Variants in TLK2 observed in about 807,000 individuals in gnomAD.
TLK2 encodes tousled like kinase 2.
A neutral mutation model predicts 117.3 loss-of-function variants in TLK2; 6 were observed. The observed-to-expected ratio is 0.05, with a 90% CI of 0.03 to 0.10. TLK2 has a LOEUF of 0.10. Ranked by LOEUF, TLK2 falls within the 10% of genes least tolerant of loss-of-function variation. The pLI is 1.00. For missense variants in TLK2, 299 were observed against 901.2 expected, an observed-to-expected ratio of 0.33 and a Z score of 8.56; for synonymous variants, 257 against 316.7, an observed-to-expected ratio of 0.81 and a Z score of 2.00.
At chr17:62,596,855 A>T (rs551348147) in intron 17 of TLK2, among the ~76,000 whole-genome samples, 181 bp downstream of exon 17, 1 of 152,256 alleles carries the variant, frequency 6.6e-6, no homozygotes, top group African/African-American at 2.4e-5. Context: ...GCCAAAGGAC[A>T]TGTGCACTTG....
chr17:62,547,218 CTT>C (rs957931131), intron 7 of TLK2, among the ~76,000 whole-genome samples: 7 of 151,784 alleles, frequency 4.6e-5, no homozygotes, highest in African/African-American at 1.7e-4. Flanking sequence ...TCTTTTAACT[CTT>C]ATGATTAGGT....
chr17:62,614,371 G>C lies in TLK2; in HGVS notation c.*1806G>C, dbSNP rs1316278522. On this transcript the variant is annotated 3_prime_UTR_variant, in exon 22 of 22. Coordinates refer to ENST00000346027, the MANE Select transcript of TLK2 (RefSeq NM_006852.6). The stretch of plus-strand genomic sequence containing the variant: ...AATGTTACTGACATATGTGGCGAGG[G>C]CTTAGCCAGAAATATTTAAAGATGT... 6.6e-6 allele frequency: 1 copy of C among 152,192 alleles called. No homozygotes were observed. The highest frequency in any genetic ancestry group is 1.5e-5 in the Non-Finnish European group (1 of 68,048). The allele number at this position is 152,192 out of a possible 1,614,324, so 9.4% of individuals were successfully genotyped here.
chr17:62,486,405 C>T (rs2072391177), intron 2 of TLK2, among the ~76,000 whole-genome samples: 1 of 152,132 alleles, frequency 6.6e-6, no homozygotes, highest in African/African-American at 2.4e-5. Flanking sequence ...CATGATCCGC[C>T]CGCCTCGGCC....
intron 7 of TLK2, 171 bp from the exon 8 acceptor site, chr17:62,552,131 A>G (rs545190162): frequency 1.1e-6 from 1 of 899,448 alleles, no homozygotes; most frequent in Non-Finnish European, 1.7e-6. Context: ...CCTTTGTCTC[A>G]TATTTGAATT....
At chr17:62,497,188 T>G (rs2144852773) in intron 2 of TLK2, among the ~76,000 whole-genome samples, 1 of 152,118 alleles carries the variant, frequency 6.6e-6, no homozygotes, top group African/African-American at 2.4e-5. Context: ...TACCTGAGTC[T>G]TGGAGGTCGA....
chr17:62,593,256 T>C (rs372220033), intron 16 of TLK2, among the ~76,000 whole-genome samples: 2 of 152,242 alleles, frequency 1.3e-5, no homozygotes, highest in Admixed American at 6.5e-5. Context: ...CTGGAAGTTG[T>C]TCTGGGTGAG....
At chr17:62,484,839 G>T (rs1208017418) in intron 2 of TLK2, among the ~76,000 whole-genome samples, 1 of 151,906 alleles carries the variant, frequency 6.6e-6, no homozygotes, top group Non-Finnish European at 1.5e-5. Flanking sequence ...GGCAGATCAC[G>T]AGGTCAGGAG....
intron 7 of TLK2, among the ~76,000 whole-genome samples, chr17:62,547,024 G>A (rs539860592): frequency 6.6e-6 from 1 of 152,162 alleles, no homozygotes; most frequent in South Asian, 2.1e-4. Flanking sequence ...TGTAGCTACA[G>A]TATACTTTTG....
rs374994453 is a variant in TLK2 at position 62,497,988 on chromosome 17, G to A, written c.81+16782G>A. 4.3e-4 allele frequency among the ~76,000 whole-genome samples: 66 copies of A among 152,158 alleles called. 1 individual carries two copies. In the South Asian group the frequency reaches 8.7e-3, roughly 20 times the overall value. ...TGGGATTACAGGTGTGAGCCACCGT[G>A]CCCAGCCCAATCTGACATTTTAACT... On this transcript the variant is annotated intron_variant, in intron 2 of 21. Transcript: ENST00000346027.
chr17:62,516,665 G>C (rs2075620761), intron 2 of TLK2: 6 of 1,609,728 alleles, frequency 3.7e-6, no homozygotes, highest in Non-Finnish European at 5.1e-6. Context: ...TTGTCTGCCA[G>C]CTCCGGGTGC....
chr17:62,506,827 T>C (rs2074732712), intron 2 of TLK2, among the ~76,000 whole-genome samples: 1 of 152,214 alleles, frequency 6.6e-6, no homozygotes, highest in African/African-American at 2.4e-5. Context: ...GGCCCCATAA[T>C]GAAATGTGTA....
chr17:62,572,503 T>C (rs2080392091), intron 11 of TLK2, among the ~76,000 whole-genome samples: 2 of 152,160 alleles, frequency 1.3e-5, no homozygotes, highest in African/African-American at 2.4e-5. Flanking sequence ...TATTAGGAAA[T>C]ACTCTAATGG....
intron 16 of TLK2, among the ~76,000 whole-genome samples, chr17:62,586,441 A>T (rs533539341): frequency 5.3e-5 from 8 of 152,328 alleles, no homozygotes; most frequent in African/African-American, 1.7e-4. Flanking sequence ...ATTTAAATCC[A>T]GACTTTCCTG....
At chr17:62,474,068 G>A (rs1271464714), upstream of TLK2, among the ~76,000 whole-genome samples, 2 of 151,818 alleles carry the variant, frequency 1.3e-5, no homozygotes, top group Non-Finnish European at 2.9e-5. Flanking sequence ...TCTAACTTTT[G>A]TATTTTTTTT....
At chr17:62,601,960 C>A in intron 18 of TLK2, 82 bp from the exon 19 acceptor site, 1 of 1,263,882 alleles carries the variant, frequency 7.9e-7, no homozygotes, top group Non-Finnish European at 1.1e-6. Flanking sequence ...GTTCAGTTGT[C>A]CCCTTCTTAT....
At chr17:62,541,623 A>T (rs1041018369) in intron 7 of TLK2, among the ~76,000 whole-genome samples, 15 of 152,232 alleles carry the variant, frequency 9.9e-5, no homozygotes, top group African/African-American at 3.6e-4. Flanking sequence ...TTTTATTTTT[A>T]AGAGAGAGGT....
At chr17:62,538,248 G>A (rs2430935) in intron 7 of TLK2, among the ~76,000 whole-genome samples, 50,482 of 151,370 alleles carry the variant, frequency 0.33, 8,622 homozygotes, top group Admixed American at 0.4. Context: ...TGTTAGCCAG[G>A]ATGGTCTCGA....
intron 15 of TLK2, 71 bp downstream of exon 15, chr17:62,580,263 A>C: frequency 8.8e-7 from 1 of 1,135,332 alleles, no homozygotes; most frequent in Non-Finnish European, 1.3e-6. Context: ...GAGAACATTA[A>C]GAATACTGAT....
intron 2 of TLK2, among the ~76,000 whole-genome samples, chr17:62,495,723 A>T (rs2073599323): frequency 6.7e-6 from 1 of 149,910 alleles, no homozygotes; most frequent in Admixed American, 6.7e-5. Flanking sequence ...CAATGTCATG[A>T]TCTCGGCTCA....
Sources: gnomAD v4.1 joint callset for allele counts (sites outside exome capture counted in the v4.1 genomes callset) on GRCh38, gnomAD v4.1.1 for gene constraint, MANE v1.5 for transcripts, NCBI Gene and HGNC (gene_info 2026-07-23, HGNC 2026-07-21) for gene names.